Variants in ZDHHC14 observed in about 807,000 individuals in gnomAD.
ZDHHC14 encodes the protein palmitoyltransferase ZDHHC14.
ZDHHC14 carries 16 observed loss-of-function variants against 47.7 expected under a neutral mutation model. The observed-to-expected ratio is 0.34, with a 90% CI of 0.23 to 0.51. The LOEUF (loss-of-function observed/expected upper bound fraction) is 0.51, where lower values mean the gene tolerates loss of function less well. ZDHHC14 is among the 20% of genes least tolerant of loss of function. The probability of loss-of-function intolerance (pLI) is 0.97; values close to 1 mark genes in which losing one functional copy is unlikely to be tolerated. For synonymous variants in ZDHHC14, 293 were observed against 278.9 expected (o/e 1.05, Z -0.50); for missense variants, 515 against 662.5 (o/e 0.78, Z 2.44).
At chr6:157,574,379 C>T (rs905222028) in intron 2 of ZDHHC14, among the ~76,000 whole-genome samples, 6 of 152,146 alleles carry the variant, frequency 3.9e-5, no homozygotes, top group Admixed American at 3.9e-4. Context: ...GCCGAGATCG[C>T]GCCACTGCAC....
intron 1 of ZDHHC14, among the ~76,000 whole-genome samples, chr6:157,482,947 T>C (rs1407616348): frequency 6.6e-6 from 1 of 151,952 alleles, no homozygotes. Flanking sequence ...TTTCACCATG[T>C]TGGCCAAGCT....
chr6:157,391,955 A>T (rs1777427099), intron 1 of ZDHHC14, among the ~76,000 whole-genome samples: 1 of 152,234 alleles, frequency 6.6e-6, no homozygotes, highest in Non-Finnish European at 1.5e-5. Flanking sequence ...TTGTGTAAAT[A>T]TGCCCAGTTT....
intron 1 of ZDHHC14, among the ~76,000 whole-genome samples, chr6:157,446,479 G>A (rs1373433274): frequency 1.3e-5 from 2 of 151,768 alleles, no homozygotes; most frequent in Non-Finnish European, 2.9e-5. Flanking sequence ...GTTGAATTTC[G>A]GCTCACTGCA....
chr6:157,438,962 C>G (rs1453828279), intron 1 of ZDHHC14, among the ~76,000 whole-genome samples: 4 of 152,146 alleles, frequency 2.6e-5, no homozygotes, highest in Admixed American at 2.0e-4. Context: ...TAGAATTGAG[C>G]ATTCGTGCTG....
intron 2 of ZDHHC14, 93 bp downstream of exon 2, chr6:157,542,838 C>T (rs536845944): frequency 5.5e-6 from 8 of 1,452,718 alleles, no homozygotes; most frequent in Admixed American, 4.7e-5. Context: ...GCAGGAGGAG[C>T]TGAGCGCTGG....
At chr6:157,399,107 G>A (rs1377127962) in intron 1 of ZDHHC14, among the ~76,000 whole-genome samples, 2 of 152,192 alleles carry the variant, frequency 1.3e-5, no homozygotes, top group African/African-American at 4.8e-5. Context: ...TTAGCGGGGT[G>A]GATAAAAGCA....
intron 2 of ZDHHC14, among the ~76,000 whole-genome samples, chr6:157,576,264 A>G (rs576202241): frequency 6.6e-6 from 1 of 152,348 alleles, no homozygotes; most frequent in South Asian, 2.1e-4. Context: ...ATTCATAAAG[A>G]AAAAGCTGCT....
At chr6:157,436,381 T>A (rs1004692765) in intron 1 of ZDHHC14, among the ~76,000 whole-genome samples, 3 of 152,156 alleles carry the variant, frequency 2.0e-5, no homozygotes, top group South Asian at 4.1e-4. Flanking sequence ...ATTGTTGTTA[T>A]CCTGAATTCA....
At chr6:157,617,150 G>A (rs1035766851) in intron 3 of ZDHHC14, among the ~76,000 whole-genome samples, 3 of 152,176 alleles carry the variant, frequency 2.0e-5, no homozygotes, top group East Asian at 1.9e-4. Flanking sequence ...TGACAGTCAC[G>A]AGACACTGCA....
At chr6:157,422,079 C>G (rs748339659) in intron 1 of ZDHHC14, among the ~76,000 whole-genome samples, 5 of 152,204 alleles carry the variant, frequency 3.3e-5, no homozygotes, top group Non-Finnish European at 5.9e-5. Flanking sequence ...ACCCACGTAC[C>G]TGGGTCTCAG....
chr6:157,629,138 A>G (rs1053141967), intron 4 of ZDHHC14, among the ~76,000 whole-genome samples: 42 of 152,250 alleles, frequency 2.8e-4, no homozygotes, highest in Admixed American at 1.0e-3. Flanking sequence ...TTTAATATCT[A>G]TTTGCCTAAG....
Position 157,392,104 on chromosome 6 carries a change from A to G in ZDHHC14, c.245+9838A>G, listed in dbSNP as rs571538278. Among the ~76,000 whole-genome samples the G allele has an allele frequency of 2.8e-4, 42 of 152,336 alleles. 2 individuals carry two copies. In the South Asian group the frequency reaches 8.7e-3, roughly 32 times the overall value. ...TCTTAAATCTGTCCTGCCAATGACT[A>G]TGACATCTAGACCCAAATGCTTAGG... is the stretch of plus-strand genomic sequence containing the variant. On this transcript the variant is annotated intron_variant, in intron 1 of 8. Transcript: ENST00000359775.
chr6:157,622,216 C>CAAAAAAAAAAAA (rs35681787), intron 3 of ZDHHC14, among the ~76,000 whole-genome samples: 33 of 93,784 alleles, frequency 3.5e-4, no homozygotes, highest in Non-Finnish European at 4.3e-4. Context: ...ACTAAAAATA[C>CAAAAAAAAAAAA]AAAAAAAAAA....
At chr6:157,422,254 C>G (rs1347151565) in intron 1 of ZDHHC14, among the ~76,000 whole-genome samples, 1 of 152,122 alleles carries the variant, frequency 6.6e-6, no homozygotes, top group Non-Finnish European at 1.5e-5. Flanking sequence ...TCAGAAAACT[C>G]TCTGTGTTAA....
At chr6:157,661,937 C>T (rs1778358948) in intron 8 of ZDHHC14, among the ~76,000 whole-genome samples, 1 of 152,112 alleles carries the variant, frequency 6.6e-6, no homozygotes, top group Non-Finnish European at 1.5e-5. Context: ...AATTCTCCTG[C>T]CTCAGCCTCC....
chr6:157,639,139 C>T (rs148859490), intron 5 of ZDHHC14, among the ~76,000 whole-genome samples: 63 of 152,296 alleles, frequency 4.1e-4, no homozygotes, highest in African/African-American at 1.3e-3. Flanking sequence ...CCCAAGTGTG[C>T]GACAGAAAAC....
intron 2 of ZDHHC14, among the ~76,000 whole-genome samples, chr6:157,567,091 A>T (rs1782931894): frequency 6.6e-6 from 1 of 151,972 alleles, no homozygotes; most frequent in African/African-American, 2.4e-5. Flanking sequence ...CCTCAGGGTG[A>T]TCCATCTGCC....
Position 157,381,488 on chromosome 6 carries a change from C to T in ZDHHC14, c.-534C>T, listed in dbSNP as rs1160734491. The T allele has an allele frequency of 2.7e-5, 10 of 370,544 alleles. No homozygotes were observed. In the Admixed American group the frequency reaches 3.0e-4, roughly 11 times the overall value. The allele number at this position is 370,544 out of a possible 1,614,324, so 23.0% of individuals were successfully genotyped here. A position where few individuals can be genotyped will look rare whatever the true frequency, so the allele number is the denominator to read the frequency against. On this transcript the variant is annotated 5_prime_UTR_variant, in exon 1 of 9. Coordinates refer to ENST00000359775, the MANE Select transcript of ZDHHC14 (RefSeq NM_024630.3). ...CCGGTGCCGCGCGCGGCCGCCCAGT[C>T]GCCAGCGCTCTCTCCTGGGAGGATC... is the stretch of plus-strand genomic sequence containing the variant.
intron 1 of ZDHHC14, among the ~76,000 whole-genome samples, chr6:157,515,461 T>C (rs919443438): frequency 2.3e-4 from 33 of 144,184 alleles, no homozygotes; most frequent in African/African-American, 2.8e-4. Flanking sequence ...CTTTTTCTTT[T>C]TTTTTTTTTT....
Sources: gnomAD v4.1 joint callset for allele counts (sites outside exome capture counted in the v4.1 genomes callset) on GRCh38, gnomAD v4.1.1 for gene constraint, MANE v1.5 for transcripts, NCBI Gene and HGNC (gene_info 2026-07-23, HGNC 2026-07-21) for gene names.